Variants in ACADL observed in about 807,000 individuals in gnomAD.
The protein encoded by ACADL is long-chain specific acyl-CoA dehydrogenase, mitochondrial.
A neutral mutation model predicts 56.9 loss-of-function variants in ACADL; 60 were observed. The ratio of observed to expected loss-of-function variants is 1.05; its 90% CI spans 0.86 to 1.31. The LOEUF (loss-of-function observed/expected upper bound fraction) is 1.31. Ranked by LOEUF, ACADL falls within the 50% of genes most tolerant of loss-of-function variation. The probability of loss-of-function intolerance (pLI) is 0.00; values close to 1 mark genes in which losing one functional copy is unlikely to be tolerated. For synonymous variants in ACADL, 158 were observed against 179.7 expected (o/e 0.88, Z 0.97); for missense variants, 484 against 525.5 (o/e 0.92, Z 0.77).
chr2:210,225,062 C>T (rs1018702676), intron 1 of ACADL, 125 bp downstream of exon 1: 1 of 1,498,230 alleles, frequency 6.7e-7, no homozygotes, highest in Non-Finnish European at 8.8e-7. Flanking sequence ...AGCCCGGCGC[C>T]GGAGTTGGGG....
At chr2:210,206,542 G>T (rs535159074) in intron 5 of ACADL, among the ~76,000 whole-genome samples, 57 of 152,194 alleles carry the variant, frequency 3.7e-4, no homozygotes, top group African/African-American at 1.3e-3. Context: ...GACTATTTTT[G>T]ATTTTTGTAA....
At chr2:210,206,515 T>C (rs1473837333) in intron 5 of ACADL, among the ~76,000 whole-genome samples, 3 of 152,132 alleles carry the variant, frequency 2.0e-5, no homozygotes, top group Non-Finnish European at 4.4e-5. Context: ...TTCTCAGATT[T>C]ATCAGTTTTT....
chr2:210,195,174 A>C (rs1341597698), intron 9 of ACADL, 37 bp downstream of exon 9: 1 of 1,613,306 alleles, frequency 6.2e-7, no homozygotes, highest in African/African-American at 1.3e-5. Context: ...TATCAGTCTG[A>C]GCACACACCG....
In ACADL at chr2:210,204,592, C is replaced by T. The variant is rs1416079274; in HGVS notation, c.859G>A (p.Glu287Lys). Residue 287 changes from glutamate (E) to lysine (K), a missense_variant, in exon 7 of 11, where the codon GAG (glutamate) becomes AAG (lysine). Physicochemically the swap from Glu to Lys is moderately conservative, Grantham distance 56 (BLOSUM62 1). Coordinates refer to ENST00000233710, the MANE Select transcript of ACADL (RefSeq NM_001608.4). Reference sequence around the variant, plus strand: ...TAAACACTTCTGACCTGTGGAAGCTCTTTCATGATGTAATAGAAGCCTTTA... The same window carrying T: ...TAAACACTTCTGACCTGTGGAAGCTTTTTCATGATGTAATAGAAGCCTTTA... ...ENKGFYYIMK[E>K]LPQERLLIAD... 3 of 1,604,950 alleles carry T rather than the reference C, an allele frequency of 1.9e-6. No homozygotes were observed. Among genetic ancestry groups the T allele is most frequent in the Non-Finnish European group, 2.6e-6 (3 of 1,172,020 alleles).
rs766471873 is a variant in ACADL, at chr2:210,220,642, C to T, written c.233+5G>A. 2.9e-5 allele frequency: 46 copies of T among 1,612,628 alleles called. No individual in the cohort carries two copies. In the Admixed American group the frequency reaches 7.5e-4, roughly 26 times the overall value. On this transcript the variant is annotated splice_donor_5th_base_variant and intron_variant, in intron 2 of 10. Coordinates refer to ENST00000233710, the MANE Select transcript of ACADL (RefSeq NM_001608.4). ...CATTACATTAGAGGAAAATGTGCCA[C>T]TTACTCTGAGTGATGAGGAATCACT...
intron 8 of ACADL, among the ~76,000 whole-genome samples, chr2:210,201,026 C>T (rs900007913): frequency 2.0e-5 from 3 of 152,114 alleles, no homozygotes; most frequent in African/African-American, 7.2e-5. Flanking sequence ...GCTGAAAAAC[C>T]CGACTGCTGG....
At position 210,224,414 on chromosome 2, in the gene ACADL, C is replaced by T. The variant is rs1231521684; in HGVS notation, c.77+773G>A. On this transcript the variant is annotated intron_variant, in intron 1 of 10. Coordinates refer to ENST00000233710, the MANE Select transcript of ACADL (RefSeq NM_001608.4). ...AGTAGCTTACACCAATGCTGTCATT[C>T]GCAAATTTGCCAGTTCCTTCACCCT... The T allele has an allele frequency of 3.0e-6, 3 of 985,096 alleles. No individual in the cohort carries two copies. The African/African-American group carries it at 5.2e-5, about 17-fold the overall frequency. 61.0% of individuals were successfully genotyped at this position (985,096 alleles called of 1,614,324 possible). A position where few individuals can be genotyped will look rare whatever the true frequency, so the allele number is the denominator to read the frequency against.
chr2:210,200,912 A>G (rs1688781562), intron 8 of ACADL, among the ~76,000 whole-genome samples: 1 of 152,208 alleles, frequency 6.6e-6, no homozygotes, highest in South Asian at 2.1e-4. Context: ...TTGCCAGGCA[A>G]TATTCCAAGC....
rs1689108346 is a variant in ACADL, at chr2:210,217,667, C to G, written c.371+298G>C. The G allele has an allele frequency of 9.4e-6, 3 of 318,842 alleles. No individual in the cohort carries two copies. The South Asian group carries it at 1.4e-4, about 15-fold the overall frequency. 19.8% of individuals were successfully genotyped at this position (318,842 alleles called of 1,614,324 possible). The stretch of plus-strand genomic sequence containing the variant: ...AAGTATATTTCTACTCTGCTGTTCT[C>G]TTTCAAATATCTTTTCTAAGGGGGA... On this transcript the variant is annotated intron_variant, in intron 3 of 10. Transcript: ENST00000233710.
rs186650618 is a variant in ACADL at position 210,204,571 on chromosome 2, C to T, written c.870+10G>A. On this transcript the variant is annotated intron_variant, in intron 7 of 10. Transcript: ENST00000233710. ...TCAGTCAAAAGATGGAATCTTTAAACACTTCTGACCTGTGGAAGCTCTTTC... is the reference window on the plus strand; with the variant it reads ...TCAGTCAAAAGATGGAATCTTTAAATACTTCTGACCTGTGGAAGCTCTTTC... 127 of 1,552,944 alleles carry T rather than the reference C, an allele frequency of 8.2e-5. 1 individual carries two copies. The Admixed American group carries it at 1.5e-3, about 18-fold the overall frequency.
chr2:210,197,088 A>C (rs1201863325), intron 8 of ACADL, among the ~76,000 whole-genome samples: 1 of 152,222 alleles, frequency 6.6e-6, no homozygotes, highest in Non-Finnish European at 1.5e-5. Flanking sequence ...GGACCAAGCA[A>C]GACCAGGGTG....
At chr2:210,202,471 C>T (rs1488542221) in intron 8 of ACADL, among the ~76,000 whole-genome samples, 3 of 152,098 alleles carry the variant, frequency 2.0e-5, no homozygotes, top group African/African-American at 4.8e-5. Context: ...TCTGTCTGAA[C>T]TCATAGATGT....
At chr2:210,223,891 C>A (rs575191786) in intron 1 of ACADL, among the ~76,000 whole-genome samples, 1 of 152,052 alleles carries the variant, frequency 6.6e-6, no homozygotes, top group Non-Finnish European at 1.5e-5. Context: ...TAACGACAGA[C>A]GGATAGATAT....
In ACADL at chr2:210,188,830, T is replaced by C. The variant is rs926102990; in HGVS notation, c.*131A>G. 11 of 700,800 alleles carry C rather than the reference T, an allele frequency of 1.6e-5. No homozygotes were observed. Among genetic ancestry groups the C allele is most frequent in the Non-Finnish European group, 2.6e-5 (10 of 391,164 alleles). The allele number at this position is 700,800 out of a possible 1,614,324, so 43.4% of individuals were successfully genotyped here. On this transcript the variant is annotated 3_prime_UTR_variant, in exon 11 of 11. Transcript: ENST00000233710. Reference sequence around the variant, plus strand: ...ACTGTGTTAATCTTATATTTATATTTTATTTCCTTCTCTATAGAGAGAGCA... The same window carrying C: ...ACTGTGTTAATCTTATATTTATATTCTATTTCCTTCTCTATAGAGAGAGCA...
chr2:210,200,144 AATCAGAGTG>A (rs1340958370), intron 8 of ACADL, among the ~76,000 whole-genome samples: 6 of 123,914 alleles, frequency 4.8e-5, no homozygotes, highest in African/African-American at 1.5e-4. Flanking sequence ...CAGTTGAGAA[AATCAGAGTG>A]ATATCAAGTG....
At chr2:210,223,294 G>A (rs1184743460) in intron 1 of ACADL, among the ~76,000 whole-genome samples, 1 of 152,120 alleles carries the variant, frequency 6.6e-6, no homozygotes, top group African/African-American at 2.4e-5. Context: ...TGGAAAAATT[G>A]GCATTTTTTT....
chr2:210,194,580 G>A (rs1310079635), intron 9 of ACADL, among the ~76,000 whole-genome samples: 2 of 151,946 alleles, frequency 1.3e-5, no homozygotes, highest in South Asian at 2.1e-4. Context: ...AATTCAAATC[G>A]AAGTCTTTCT....
In ACADL at chr2:210,213,164, A is replaced by T. The variant is rs532260017; in HGVS notation, c.537-2902T>A. On this transcript the variant is annotated intron_variant, in intron 4 of 10. Coordinates refer to ENST00000233710, the MANE Select transcript of ACADL (RefSeq NM_001608.4). ...ATCATATTTTTCATCATAAGTATGT[A>T]TAAAGTATCGGTAACTAATGTCTGT... Among the ~76,000 whole-genome samples, 5 of 152,348 alleles carry T rather than the reference A, an allele frequency of 3.3e-5. No homozygotes were observed. The South Asian group carries it at 1.0e-3, about 32-fold the overall frequency.
rs957227206 is a variant in ACADL, at chr2:210,188,735, T to A, written c.*226A>T. On this transcript the variant is annotated 3_prime_UTR_variant, in exon 11 of 11. Transcript: ENST00000233710. Reference sequence around the variant, plus strand: ...ATTCAGAAAACCGTTTACCTTTGGCTACATAAAAAACTGTAAGTTAAACCT... The same window carrying A: ...ATTCAGAAAACCGTTTACCTTTGGCAACATAAAAAACTGTAAGTTAAACCT... 6.6e-6 allele frequency: 3 copies of A among 451,882 alleles called. No homozygotes were observed. The highest frequency in any genetic ancestry group is 1.2e-5 in the Non-Finnish European group (3 of 250,900). The allele number at this position is 451,882 out of a possible 1,614,324, so 28.0% of individuals were successfully genotyped here.
Sources: allele counts gnomAD v4.1 joint callset (sites outside exome capture counted in the v4.1 genomes callset), GRCh38; gene constraint gnomAD v4.1.1; transcripts MANE v1.5; gene names NCBI Gene and HGNC (gene_info 2026-07-23, HGNC 2026-07-21).